Variants in FAR2 observed in about 807,000 individuals in gnomAD.
FAR2 encodes epididymis secretory protein Li 81.
Under a neutral mutation model 56.0 loss-of-function variants are expected in FAR2, and 19 were observed. The observed-to-expected ratio is 0.34, with a 90% CI of 0.24 to 0.50. FAR2 has a LOEUF of 0.50. FAR2 is among the 20% of genes least tolerant of loss of function. The pLI, the probability that FAR2 is intolerant of heterozygous loss-of-function variation, is 0.98. For missense variants in FAR2, 508 were observed against 642.2 expected, an observed-to-expected ratio of 0.79 and a Z score of 2.26; for synonymous variants, 219 against 218.8, an observed-to-expected ratio of 1.00 and a Z score of -0.01.
At chr12:29,212,531 C>T (rs1438830746) in intron 1 of FAR2, among the ~76,000 whole-genome samples, 1 of 152,142 alleles carries the variant, frequency 6.6e-6, no homozygotes, top group Non-Finnish European at 1.5e-5. Context: ...CATAATTACT[C>T]ATAATTTATA....
rs1949554330 is a variant in FAR2 at position 29,321,685 on chromosome 12, G to A, written c.1128-110G>A. 32 of 1,270,942 alleles carry A rather than the reference G, an allele frequency of 2.5e-5. No homozygotes were observed. In the South Asian group the frequency reaches 4.2e-4, roughly 17 times the overall value. The allele number at this position is 1,270,942 out of a possible 1,614,324, so 78.7% of individuals were successfully genotyped here. ...AGAAGAAGAATTTTAATGAGGAGTG[G>A]TAGACAGGGATAATTTTTGTATTTT... is the stretch of plus-strand genomic sequence containing the variant. On this transcript the variant is annotated intron_variant, in intron 9 of 11. Transcript: ENST00000536681.
At chr12:29,193,043 G>A (rs746740617) in intron 1 of FAR2, among the ~76,000 whole-genome samples, 1 of 152,174 alleles carries the variant, frequency 6.6e-6, no homozygotes. Flanking sequence ...ATTTATAGCA[G>A]AGGGTCAAAA....
intron 1 of FAR2, among the ~76,000 whole-genome samples, chr12:29,248,134 T>C (rs538282889): frequency 1.3e-5 from 2 of 152,312 alleles, no homozygotes; most frequent in African/African-American, 4.8e-5. Context: ...ACTTAGAATG[T>C]GGCCTGAACT....
At chr12:29,296,697 G>A (rs1474125093) in intron 3 of FAR2, among the ~76,000 whole-genome samples, 1 of 152,106 alleles carries the variant, frequency 6.6e-6, no homozygotes, top group Non-Finnish European at 1.5e-5. Context: ...ACATGTTTGT[G>A]TTCTTTTAAT....
chr12:29,223,370 A>G (rs1312802076), intron 1 of FAR2, among the ~76,000 whole-genome samples: 1 of 152,172 alleles, frequency 6.6e-6, no homozygotes, highest in Admixed American at 6.5e-5. Context: ...GATGACATTC[A>G]TTTGTGGAAG....
intron 1 of FAR2, among the ~76,000 whole-genome samples, chr12:29,160,815 A>T (rs1193235135): frequency 6.6e-6 from 1 of 151,880 alleles, no homozygotes. Flanking sequence ...ATCATATGGG[A>T]TTAGGGACCC....
At position 29,292,577 on chromosome 12, in the gene FAR2, T is replaced by G. The variant is rs149148536; in HGVS notation, c.190-723T>G. ...CTGTTAAAGATCTTTCTGGAAGAGA[T>G]GTACCCCAGGGTGTTTTTATTGGGT... On this transcript the variant is annotated intron_variant, in intron 2 of 11. Transcript: ENST00000536681. Among the ~76,000 whole-genome samples, 77 of 152,320 alleles carry G rather than the reference T, an allele frequency of 5.1e-4. No individual in the cohort carries two copies. In the East Asian group the frequency reaches 0.013, roughly 26 times the overall value.
chr12:29,261,059 A>G (rs925300956), intron 1 of FAR2, among the ~76,000 whole-genome samples: 1 of 152,228 alleles, frequency 6.6e-6, no homozygotes, highest in African/African-American at 2.4e-5. Context: ...AACTGCAACT[A>G]TTACAATAAA....
At chr12:29,153,813 G>A (rs1034193364) in intron 1 of FAR2, among the ~76,000 whole-genome samples, 9 of 152,136 alleles carry the variant, frequency 5.9e-5, no homozygotes, top group Admixed American at 5.2e-4. Context: ...AGGTGGGAGA[G>A]GCAGAAAGAA....
At position 29,298,036 on chromosome 12, in the gene FAR2, CAAA is replaced by C. The variant is rs71042980; in HGVS notation, c.545+854_545+856del. ...GGGCAACAAGAGTGAAACTCCGTCT[CAAA>C]AAAAAAAAAAAAAAAAAGAACTAAT... On this transcript the variant is annotated intron_variant, in intron 4 of 11. Coordinates refer to ENST00000536681, the MANE Select transcript of FAR2 (RefSeq NM_001271783.2). Among the ~76,000 whole-genome samples, 153 of 123,592 alleles carry C rather than the reference CAAA, an allele frequency of 1.2e-3. 1 individual carries two copies. Among genetic ancestry groups the C allele is most frequent in the South Asian group, 5.8e-3 (22 of 3,794 alleles). 81.1% of individuals were successfully genotyped at this position (123,592 alleles called of 152,430 possible).
intron 2 of FAR2, among the ~76,000 whole-genome samples, chr12:29,284,500 C>A (rs1948838808): frequency 6.6e-6 from 1 of 152,162 alleles, no homozygotes; most frequent in Non-Finnish European, 1.5e-5. Flanking sequence ...ACTCAGTAAA[C>A]CCTCAGTTGC....
chr12:29,194,326 G>T (rs1465118031), intron 1 of FAR2, among the ~76,000 whole-genome samples: 1 of 152,082 alleles, frequency 6.6e-6, no homozygotes, highest in Non-Finnish European at 1.5e-5. Flanking sequence ...CAATGGAATG[G>T]ATTCCCAGTA....
In FAR2 at chr12:29,174,572, C is replaced by G. The variant is rs575997036; in HGVS notation, c.-39+25165C>G. On this transcript the variant is annotated intron_variant, in intron 1 of 11. Coordinates refer to ENST00000536681, the MANE Select transcript of FAR2 (RefSeq NM_001271783.2). ...AGTAGCTGGCACTACAGGGGCCCAC[C>G]ACCACGCCCGGCTAATTTTTTGTAT... Among the ~76,000 whole-genome samples the G allele has an allele frequency of 1.3e-4, 19 of 151,168 alleles. No homozygotes were observed. In the South Asian group the frequency reaches 1.9e-3, roughly 15 times the overall value.
chr12:29,210,140 C>G (rs1157578055), intron 1 of FAR2, among the ~76,000 whole-genome samples: 2 of 152,166 alleles, frequency 1.3e-5, no homozygotes, highest in East Asian at 3.9e-4. Context: ...CCCCGGAGGT[C>G]AATGCTACAG....
intron 4 of FAR2, among the ~76,000 whole-genome samples, chr12:29,307,033 A>G (rs1949262556): frequency 6.6e-6 from 1 of 152,192 alleles, no homozygotes; most frequent in African/African-American, 2.4e-5. Context: ...ATTTAAAGCT[A>G]AAGGCTTCAG....
At position 29,335,220 on chromosome 12, in the gene FAR2, A is replaced by G. The variant is rs1385632849; in HGVS notation, c.*1426A>G. On this transcript the variant is annotated 3_prime_UTR_variant, in exon 12 of 12. Transcript: ENST00000536681. The stretch of plus-strand genomic sequence containing the variant: ...CACATCGTGGTAGTTTAAGTGTACA[A>G]GGCCTTAGGGCAGTATCTAGCCCAG... The G allele has an allele frequency of 1.3e-5, 2 of 152,174 alleles. No homozygotes were observed. The highest frequency in any genetic ancestry group is 1.3e-4 in the Admixed American group (2 of 15,282). The allele number at this position is 152,174 out of a possible 1,614,324, so 9.4% of individuals were successfully genotyped here.
At chr12:29,246,003 T>G (rs780729853) in intron 1 of FAR2, among the ~76,000 whole-genome samples, 17 of 151,702 alleles carry the variant, frequency 1.1e-4, no homozygotes, top group Non-Finnish European at 1.9e-4. Flanking sequence ...ACTATTTTAA[T>G]ATTATATGAT....
intron 1 of FAR2, among the ~76,000 whole-genome samples, chr12:29,178,962 C>T (rs1005571324): frequency 1.3e-5 from 2 of 152,160 alleles, no homozygotes; most frequent in East Asian, 1.9e-4. Context: ...TGAGGGCCAT[C>T]GGGAAGGAGC....
At chr12:29,225,608 A>G (rs578176068) in intron 1 of FAR2, among the ~76,000 whole-genome samples, 2 of 152,290 alleles carry the variant, frequency 1.3e-5, no homozygotes, top group South Asian at 4.1e-4. Flanking sequence ...GTCAGAGTAC[A>G]CCTCAAAGAA....
Sources: allele counts gnomAD v4.1 joint callset (sites outside exome capture counted in the v4.1 genomes callset), GRCh38; gene constraint gnomAD v4.1.1; transcripts MANE v1.5; gene names NCBI Gene and HGNC (gene_info 2026-07-23, HGNC 2026-07-21).